The following EYA2 variants were observed in gnomAD, a reference collection of about 807,000 sequenced individuals.
EYA2 encodes protein phosphatase EYA2.
In EYA2, 31 loss-of-function variants were observed where a neutral mutation model predicts 69.2. The ratio of observed to expected loss-of-function variants is 0.45; its 90% confidence interval spans 0.34 to 0.60. The LOEUF (loss-of-function observed/expected upper bound fraction) is 0.60. Ranked by LOEUF, EYA2 falls within the 20% of genes least tolerant of loss-of-function variation. The probability of loss-of-function intolerance (pLI) is 0.02; values close to 1 mark genes in which losing one functional copy is unlikely to be tolerated. For missense variants in EYA2, 622 were observed against 701.2 expected, an observed-to-expected ratio of 0.89 and a Z score of 1.28; for synonymous variants, 257 against 279.4, an observed-to-expected ratio of 0.92 and a Z score of 0.80.
chr20:46,993,006 A>G (rs1416675233), intron 2 of EYA2, among the ~76,000 whole-genome samples: 11 of 152,038 alleles, frequency 7.2e-5, no homozygotes, highest in Non-Finnish European at 1.3e-4. Flanking sequence ...CCCAAGAGTC[A>G]TGAGTCACAG....
chr20:47,122,752 G>GT (rs1193236245), intron 9 of EYA2, among the ~76,000 whole-genome samples: 3 of 151,956 alleles, frequency 2.0e-5, no homozygotes, highest in East Asian at 1.9e-4. Context: ...CCCCCAGCTT[G>GT]TTTTTTTAAA....
At chr20:46,989,012 TAGA>T (rs1341133005) in intron 1 of EYA2, among the ~76,000 whole-genome samples, 2 of 152,004 alleles carry the variant, frequency 1.3e-5, no homozygotes, top group Non-Finnish European at 2.9e-5. Flanking sequence ...GGCCAGAATT[TAGA>T]AGGAGTGACT....
intron 10 of EYA2, among the ~76,000 whole-genome samples, chr20:47,148,058 CAAAAAAAAAAAAAA>C (rs1264883844): frequency 2.4e-5 from 2 of 82,838 alleles, no homozygotes; most frequent in African/African-American, 9.7e-5. Flanking sequence ...GACTCTGTCT[CAAAAAAAAAAAAAA>C]AGAATAAAAA....
At chr20:47,187,983 C>G in intron 15 of EYA2, 70 bp from the exon 16 acceptor site, 1 of 1,504,750 alleles carries the variant, frequency 6.6e-7, no homozygotes, top group Non-Finnish European at 9.0e-7. Context: ...CACATGCCCT[C>G]TAACCACAGG....
intron 2 of EYA2, among the ~76,000 whole-genome samples, chr20:46,996,804 A>C (rs773305638): frequency 2.6e-5 from 4 of 152,076 alleles, no homozygotes; most frequent in Non-Finnish European, 4.4e-5. Flanking sequence ...GGAAACTTAC[A>C]GTCATGGTGG....
intron 5 of EYA2, among the ~76,000 whole-genome samples, chr20:47,064,376 G>A (rs563415393): frequency 5.3e-5 from 8 of 152,190 alleles, no homozygotes; most frequent in South Asian, 2.1e-4. Flanking sequence ...TTGTTTATCC[G>A]TTCAGCCGTC....
At chr20:47,120,241 T>A (rs951258648) in intron 9 of EYA2, among the ~76,000 whole-genome samples, 4 of 151,558 alleles carry the variant, frequency 2.6e-5, no homozygotes, top group Non-Finnish European at 5.9e-5. Context: ...CCAGGCATGG[T>A]GGCGTGTGCC....
chr20:46,968,808 A>G (rs868276457), intron 1 of EYA2, among the ~76,000 whole-genome samples: 24 of 151,720 alleles, frequency 1.6e-4, no homozygotes, highest in African/African-American at 5.8e-4. Context: ...CCCACTAAGA[A>G]CCTCTACGCT....
chr20:47,105,002 CAG>C (rs2032534045), intron 9 of EYA2, among the ~76,000 whole-genome samples: 1 of 152,192 alleles, frequency 6.6e-6, no homozygotes, highest in Non-Finnish European at 1.5e-5. Context: ...GCCTGGGCGA[CAG>C]AGCCAGACTC....
At chr20:47,115,605 A>C (rs1021927855) in intron 9 of EYA2, among the ~76,000 whole-genome samples, 3 of 151,432 alleles carry the variant, frequency 2.0e-5, no homozygotes, top group Non-Finnish European at 2.9e-5. Flanking sequence ...CCTTCTCTCC[A>C]GCTCCCCCAC....
intron 1 of EYA2, among the ~76,000 whole-genome samples, chr20:46,986,374 A>G (rs1335806893): frequency 2.0e-5 from 1 of 49,796 alleles, no homozygotes; most frequent in African/African-American, 5.8e-5. Flanking sequence ...ATTATATATT[A>G]TGTATTATAT....
chr20:47,182,499 G>A (rs914775814), intron 14 of EYA2, among the ~76,000 whole-genome samples: 2 of 151,154 alleles, frequency 1.3e-5, no homozygotes, highest in Admixed American at 1.3e-4. Flanking sequence ...CATGGTGGCG[G>A]GTACCTGTAA....
intron 10 of EYA2, among the ~76,000 whole-genome samples, chr20:47,149,145 T>C (rs2146610000): frequency 6.6e-6 from 1 of 152,278 alleles, no homozygotes; most frequent in African/African-American, 2.4e-5. Flanking sequence ...TTAAAATACA[T>C]TTAAAACCTA....
At chr20:47,014,628 A>ACGTG (rs758094629) in intron 4 of EYA2, among the ~76,000 whole-genome samples, 38 of 144,708 alleles carry the variant, frequency 2.6e-4, no homozygotes, top group African/African-American at 9.2e-4. Flanking sequence ...TGTGCACAAA[A>ACGTG]TGTGTGTGTG....
chr20:47,023,755 A>G (rs1176217060), intron 5 of EYA2, among the ~76,000 whole-genome samples: 1 of 147,640 alleles, frequency 6.8e-6, no homozygotes, highest in East Asian at 2.0e-4. Context: ...CTTATGCCTC[A>G]GCCACCTGAG....
chr20:47,077,784 T>G (rs576801502), intron 7 of EYA2, among the ~76,000 whole-genome samples: 1 of 152,382 alleles, frequency 6.6e-6, no homozygotes, highest in South Asian at 2.1e-4. Flanking sequence ...AGTACCTATT[T>G]AATAACTTTC....
At chr20:47,098,679 C>A (rs2032331246) in intron 9 of EYA2, among the ~76,000 whole-genome samples, 1 of 152,360 alleles carries the variant, frequency 6.6e-6, no homozygotes, top group African/African-American at 2.4e-5. Flanking sequence ...CACCTCACCA[C>A]CCAATTCCAG....
At position 47,188,333 on chromosome 20, in the gene EYA2, C is replaced by T; in HGVS notation, c.*200C>T. On this transcript the variant is annotated 3_prime_UTR_variant, in exon 16 of 16. Transcript: ENST00000327619. Reference sequence around the variant, plus strand: ...TGAGAAGGAAAGTACCCAACATTGGCTTCGGAGTATTTGACTTTGGGGAAA... The same window carrying T: ...TGAGAAGGAAAGTACCCAACATTGGTTTCGGAGTATTTGACTTTGGGGAAA... The T allele has an allele frequency of 1.6e-6, 1 of 609,542 alleles. No homozygotes were observed. Among genetic ancestry groups the T allele is most frequent in the South Asian group, 1.9e-5 (1 of 52,252 alleles). 37.8% of individuals were successfully genotyped at this position (609,542 alleles called of 1,614,324 possible). A position where few individuals can be genotyped will look rare whatever the true frequency, so the allele number is the denominator to read the frequency against.
At chr20:47,028,949 T>C (rs1568733262) in intron 5 of EYA2, among the ~76,000 whole-genome samples, 1 of 151,928 alleles carries the variant, frequency 6.6e-6, no homozygotes, top group Non-Finnish European at 1.5e-5. Context: ...AAAAAACAAA[T>C]GCCAGAAATC....
Sources: gnomAD v4.1 joint callset for allele counts (sites outside exome capture counted in the v4.1 genomes callset) on GRCh38, gnomAD v4.1.1 for gene constraint, MANE v1.5 for transcripts, NCBI Gene and HGNC (gene_info 2026-07-23, HGNC 2026-07-21) for gene names.